EXT1: variants seen among roughly 807,000 people sequenced by gnomAD.
EXT1 encodes exostosin-1.
Under a neutral mutation model 82.5 loss-of-function variants are expected in EXT1, and 20 were observed. That is an observed-to-expected ratio of 0.24 (90% CI 0.17 to 0.35). EXT1 has a LOEUF of 0.35. Ranked by LOEUF, EXT1 falls within the 10% of genes least tolerant of loss-of-function variation. The probability of loss-of-function intolerance (pLI) is 1.00; values close to 1 mark genes in which losing one functional copy is unlikely to be tolerated. For missense variants in EXT1, 757 were observed against 936.5 expected (o/e 0.81, Z 2.50); for synonymous variants, 348 against 350.8 (o/e 0.99, Z 0.09).
intron 5 of EXT1, among the ~76,000 whole-genome samples, chr8:117,820,738 C>T (rs556076828): frequency 1.8e-4 from 27 of 151,910 alleles, no homozygotes; most frequent in Admixed American, 1.5e-3. Context: ...GCACTTAGAA[C>T]AGGACTTAAC....
chr8:117,854,442 G>A (rs1812507156), intron 1 of EXT1, among the ~76,000 whole-genome samples: 1 of 151,888 alleles, frequency 6.6e-6, no homozygotes, highest in Admixed American at 6.6e-5. Context: ...GCAGTAGGGG[G>A]AGAAAACACA....
chr8:117,970,763 T>C (rs1405032042), intron 1 of EXT1, among the ~76,000 whole-genome samples: 7 of 152,172 alleles, frequency 4.6e-5, no homozygotes, highest in African/African-American at 1.7e-4. Flanking sequence ...ATCCAAAATC[T>C]GACTTAAATG....
chr8:117,861,928 G>C (rs1288508379), intron 1 of EXT1, among the ~76,000 whole-genome samples: 1 of 145,470 alleles, frequency 6.9e-6, no homozygotes, highest in Non-Finnish European at 1.5e-5. Flanking sequence ...AATGCACACA[G>C]GGGACAAACC....
Position 117,968,553 on chromosome 8 carries a change from ATTT to A in EXT1, c.963-131355_963-131353del, listed in dbSNP as rs1182180428. Among the ~76,000 whole-genome samples the A allele has an allele frequency of 1.4e-3, 13 of 9,268 alleles. 2 individuals carry two copies. Among genetic ancestry groups the A allele is most frequent in the African/African-American group, 3.3e-3 (2 of 598 alleles). The allele number at this position is 9,268 out of a possible 152,430, so 6.1% of individuals were successfully genotyped here. On this transcript the variant is annotated intron_variant, in intron 1 of 10. Transcript: ENST00000378204. ...TATTTATTTATTTATTTATTTATTT[ATTT>A]TTTTTTTTTTTTTTTTTTTTTTTTT...
chr8:117,970,009 G>A (rs958520769), intron 1 of EXT1, among the ~76,000 whole-genome samples: 3 of 152,162 alleles, frequency 2.0e-5, no homozygotes, highest in Non-Finnish European at 4.4e-5. Context: ...CCACAAAAAA[G>A]CCATGAGAAT....
chr8:117,856,134 A>G (rs1812552345), intron 1 of EXT1, among the ~76,000 whole-genome samples: 1 of 152,264 alleles, frequency 6.6e-6, no homozygotes, highest in South Asian at 2.1e-4. Context: ...CAGTGAACAC[A>G]TGAATGATAA....
At chr8:117,969,455 G>C (rs753548113) in intron 1 of EXT1, among the ~76,000 whole-genome samples, 4 of 152,142 alleles carry the variant, frequency 2.6e-5, no homozygotes, top group African/African-American at 7.2e-5. Context: ...AAAGTGAAAC[G>C]TCTCACTTTG....
At chr8:117,816,422 G>T (rs940711468) in intron 7 of EXT1, among the ~76,000 whole-genome samples, 1 of 152,102 alleles carries the variant, frequency 6.6e-6, no homozygotes, top group African/African-American at 2.4e-5. Context: ...CATAGCCCAG[G>T]TTTTCTAGAA....
At chr8:117,853,065 C>T (rs1034883533) in intron 1 of EXT1, among the ~76,000 whole-genome samples, 5 of 152,164 alleles carry the variant, frequency 3.3e-5, no homozygotes, top group African/African-American at 1.2e-4. Flanking sequence ...GTGCTTTGAG[C>T]AGTGCTGACA....
intron 1 of EXT1, among the ~76,000 whole-genome samples, chr8:117,998,924 A>G (rs1382129205): frequency 2.6e-5 from 4 of 152,162 alleles, no homozygotes; most frequent in Non-Finnish European, 4.4e-5. Context: ...GCAAGGTAAT[A>G]CCACTAACAC....
intron 3 of EXT1, among the ~76,000 whole-genome samples, chr8:117,831,273 A>G (rs995632102): frequency 6.6e-6 from 1 of 152,204 alleles, no homozygotes; most frequent in Admixed American, 6.5e-5. Flanking sequence ...CTTTACTTAT[A>G]AAGTGGGGAT....
At chr8:117,829,048 GTCA>G (rs1222219059) in intron 4 of EXT1, among the ~76,000 whole-genome samples, 4 of 152,166 alleles carry the variant, frequency 2.6e-5, no homozygotes, top group African/African-American at 9.7e-5. Context: ...TTTTAGAGCA[GTCA>G]TCACTCTTCC....
chr8:117,924,239 G>A (rs1813914562), intron 1 of EXT1, among the ~76,000 whole-genome samples: 1 of 152,188 alleles, frequency 6.6e-6, no homozygotes, highest in Admixed American at 6.5e-5. Flanking sequence ...CCATATGTAT[G>A]GTGCTGGGCC....
intron 1 of EXT1, among the ~76,000 whole-genome samples, chr8:117,837,967 G>A (rs1026327655): frequency 6.6e-6 from 1 of 151,954 alleles, no homozygotes; most frequent in African/African-American, 2.4e-5. Context: ...TTTGCTTTTC[G>A]AAAAAACATA....
chr8:117,830,149 T>A, intron 4 of EXT1, 81 bp downstream of exon 4: 1 of 1,590,082 alleles, frequency 6.3e-7, no homozygotes, highest in East Asian at 2.2e-5. Flanking sequence ...CAATCACACA[T>A]CCCTAATAGC....
At chr8:118,032,355 C>T (rs929405601) in intron 1 of EXT1, among the ~76,000 whole-genome samples, 2 of 151,638 alleles carry the variant, frequency 1.3e-5, no homozygotes, top group Admixed American at 1.3e-4. Context: ...TCCACAGAGT[C>T]CCCCAGGGGA....
Position 118,111,010 on chromosome 8 carries a change from C to G in EXT1, c.37G>C (p.Ala13Pro). ...AACAAAAGGGCGAGACAAGAGCCAGCTGAGAGCAGGATGAAATAGCGTTTT... is the reference window on the plus strand; with the variant it reads ...AACAAAAGGGCGAGACAAGAGCCAGGTGAGAGCAGGATGAAATAGCGTTTT... The part of the protein sequence containing the change: ...AKKRYFILLS[A>P]GSCLALLFYF... The change falls in exon 1 of 11, where the codon GCT (alanine) becomes CCT (proline). Residue 13 changes from alanine to proline, a missense_variant. By Grantham distance (27) the Ala-to-Pro change is conservative. This residue lies in a region of EXT1 where 175 missense variants were observed against 159.0 expected (regional missense o/e 1.10). Transcript: ENST00000378204. 1 of 1,603,978 alleles carries G rather than the reference C, an allele frequency of 6.2e-7. No individual in the cohort carries two copies. The highest frequency in any genetic ancestry group is 8.5e-7 in the Non-Finnish European group (1 of 1,179,558).
At chr8:117,856,285 C>T (rs13271840) in intron 1 of EXT1, among the ~76,000 whole-genome samples, 32,019 of 147,058 alleles carry the variant, frequency 0.22, 3,669 homozygotes, top group South Asian at 0.24. Flanking sequence ...GACGGAGTCT[C>T]GCTCTGTTGC....
chr8:117,811,274 C>T (rs1402314990), intron 8 of EXT1, among the ~76,000 whole-genome samples: 1 of 152,152 alleles, frequency 6.6e-6, no homozygotes, highest in Non-Finnish European at 1.5e-5. Flanking sequence ...GAATGTGTTC[C>T]AGCTTCCCTT....
Sources: allele counts gnomAD v4.1 joint callset (sites outside exome capture counted in the v4.1 genomes callset), GRCh38; gene constraint gnomAD v4.1.1; regional missense constraint gnomAD v4.1.1; transcripts MANE v1.5; gene names NCBI Gene and HGNC (gene_info 2026-07-23, HGNC 2026-07-21).